Variants in ZC3H12B observed in about 807,000 individuals in gnomAD.
ZC3H12B encodes the protein zinc finger CCCH-type containing 12B.
Under a neutral mutation model 43.9 loss-of-function variants are expected in ZC3H12B, and 7 were observed. That is an observed-to-expected ratio of 0.16 (90% CI 0.09 to 0.30). The LOEUF is 0.30. Among genes scored for constraint, ZC3H12B ranks in the 10% least tolerant of loss-of-function variants. The pLI is 1.00. For synonymous variants in ZC3H12B, 222 were observed against 241.7 expected (o/e 0.92, Z 0.76); for missense variants, 475 against 670.2 (o/e 0.71, Z 3.22).
chrX:65,087,529 G>T, the ZC3H12B span, among the ~76,000 whole-genome samples: 2 of 111,613 alleles, frequency 1.8e-5, no homozygotes, highest in East Asian at 5.7e-4. Context: ...ACACAGGGGC[G>T]ATCGAGAGTC....
At chrX:65,136,422 G>A in the ZC3H12B span, among the ~76,000 whole-genome samples, 1 of 111,417 alleles carries the variant, frequency 9.0e-6, no homozygotes, top group Non-Finnish European at 1.9e-5. Flanking sequence ...TTGGCCTTCT[G>A]AGACACTGTC....
the ZC3H12B span, among the ~76,000 whole-genome samples, chrX:65,102,601 CAGAG>C: frequency 4.5e-5 from 5 of 111,738 alleles, no homozygotes; most frequent in South Asian, 3.8e-4. Flanking sequence ...AATAGACAAA[CAGAG>C]AGCTAAATCA....
chrX:65,272,284 A>G, the ZC3H12B span: 2 of 109,577 alleles, frequency 1.8e-5, no homozygotes, highest in Non-Finnish European at 3.8e-5. Flanking sequence ...AAAAAAAAAA[A>G]ACTGGAGATA....
intron 3 of ZC3H12B, among the ~76,000 whole-genome samples, chrX:65,419,779 C>G (rs866530085): frequency 9.0e-6 from 1 of 110,548 alleles, no homozygotes; most frequent in Middle Eastern, 4.6e-3. Flanking sequence ...AGGATAGCCT[C>G]CATAGATCCA....
intron 3 of ZC3H12B, among the ~76,000 whole-genome samples, chrX:65,481,518 T>G (rs1458884016): frequency 9.0e-6 from 1 of 111,374 alleles, no homozygotes; most frequent in Non-Finnish European, 1.9e-5. Context: ...GGTTTCTCAC[T>G]ATACTAAGAC....
chrX:65,085,834 G>T, the ZC3H12B span, among the ~76,000 whole-genome samples: 1 of 110,920 alleles, frequency 9.0e-6, no homozygotes, highest in Non-Finnish European at 1.9e-5. Context: ...GTAGTACAAA[G>T]AACTTTTTAA....
chrX:65,237,254 T>C, the ZC3H12B span, among the ~76,000 whole-genome samples: 1 of 111,651 alleles, frequency 9.0e-6, no homozygotes, highest in Non-Finnish European at 1.9e-5. Context: ...TTTGTTTGTT[T>C]GTTTGTTTGT....
At chrX:65,087,682 G>T in the ZC3H12B span, among the ~76,000 whole-genome samples, 2 of 111,797 alleles carry the variant, frequency 1.8e-5, no homozygotes, top group Non-Finnish European at 3.8e-5. Context: ...ACAGATAAAG[G>T]TCTAGGATCT....
At chrX:65,129,894 G>T in the ZC3H12B span, among the ~76,000 whole-genome samples, 1 of 110,789 alleles carries the variant, frequency 9.0e-6, no homozygotes, top group African/African-American at 3.3e-5. Flanking sequence ...ATATTGTGGG[G>T]TTGTTAGAAG....
the ZC3H12B span, among the ~76,000 whole-genome samples, chrX:65,231,288 G>T: frequency 9.0e-6 from 1 of 111,221 alleles, no homozygotes; most frequent in Non-Finnish European, 1.9e-5. Flanking sequence ...GGTAGAGCAA[G>T]ATCACAAGGC....
the ZC3H12B span, among the ~76,000 whole-genome samples, chrX:65,152,171 C>A: frequency 9.9e-5 from 11 of 111,547 alleles, no homozygotes; most frequent in Non-Finnish European, 7.5e-5. Context: ...AAAACTGGCA[C>A]AAGACAGGGA....
intron 3 of ZC3H12B, among the ~76,000 whole-genome samples, chrX:65,478,416 A>AT (rs1194543317): frequency 8.9e-6 from 1 of 111,768 alleles, no homozygotes; most frequent in South Asian, 3.7e-4. Flanking sequence ...ATATCTCATA[A>AT]TTTTTTTGTT....
the ZC3H12B span, among the ~76,000 whole-genome samples, chrX:65,239,900 G>A: frequency 3.6e-5 from 4 of 110,804 alleles, no homozygotes; most frequent in African/African-American, 1.3e-4. Context: ...TTGAATATTG[G>A]CCCCCCATCT....
At chrX:65,412,273 T>C (rs1285187890) in intron 3 of ZC3H12B, among the ~76,000 whole-genome samples, 1 of 112,062 alleles carries the variant, frequency 8.9e-6, no homozygotes, top group Non-Finnish European at 1.9e-5. Flanking sequence ...TTCTTTCATT[T>C]ACCATTATTT....
chrX:65,158,216 A>C, the ZC3H12B span, among the ~76,000 whole-genome samples: 2 of 110,119 alleles, frequency 1.8e-5, no homozygotes, highest in Non-Finnish European at 3.8e-5. Context: ...TATTGTGAAT[A>C]GTGCCGCAAT....
chrX:65,279,592 A>G, the ZC3H12B span, among the ~76,000 whole-genome samples: 1 of 111,489 alleles, frequency 9.0e-6, no homozygotes, highest in Non-Finnish European at 1.9e-5. Flanking sequence ...AAAGACTTAA[A>G]CGTAAAACCC....
At chrX:65,297,267 G>A in the ZC3H12B span, among the ~76,000 whole-genome samples, 1 of 110,522 alleles carries the variant, frequency 9.0e-6, no homozygotes, top group Non-Finnish European at 1.9e-5. Flanking sequence ...TCATCCAAAA[G>A]GCTTGTAGAA....
At chrX:65,167,032 A>T in the ZC3H12B span, among the ~76,000 whole-genome samples, 1 of 111,849 alleles carries the variant, frequency 8.9e-6, no homozygotes, top group African/African-American at 3.3e-5. Flanking sequence ...GCTGTACAGA[A>T]GCCCTTTATT....
At chrX:65,407,951 C>T in intron 3 of ZC3H12B, 1 of 787,756 alleles carries the variant, frequency 1.3e-6, no homozygotes, top group Non-Finnish European at 1.8e-6. Context: ...CCTAGCGCGC[C>T]TGCGTGCGTG....
Sources: allele counts gnomAD v4.1 joint callset (sites outside exome capture counted in the v4.1 genomes callset), GRCh38; gene constraint gnomAD v4.1.1; transcripts MANE v1.5; gene names NCBI Gene and HGNC (gene_info 2026-07-23, HGNC 2026-07-21).